Variants in MS4A18 observed in about 807,000 individuals in gnomAD.
MS4A18 encodes the protein membrane spanning 4-domains A18.
A neutral mutation model predicts 13.1 loss-of-function variants in MS4A18; 27 were observed. The ratio of observed to expected loss-of-function variants is 2.06; its 90% CI spans 1.52 to 2.84. The LOEUF is 2.84. MS4A18 is among the 30% of genes most tolerant of loss of function. The probability of loss-of-function intolerance (pLI) is 0.00; values close to 1 mark genes in which losing one functional copy is unlikely to be tolerated. For missense variants in MS4A18, 307 were observed against 196.4 expected, an observed-to-expected ratio of 1.56 and a Z score of -3.37; for synonymous variants, 126 against 76.5, an observed-to-expected ratio of 1.65 and a Z score of -3.38.
At chr11:60,743,622 T>C (rs947813486) in intron 5 of MS4A18, 28 bp from the exon 7 acceptor site, 13 of 696,702 alleles carry the variant, frequency 1.9e-5, no homozygotes. Context: ...CAGAGGAAGA[T>C]GACGACCACA....
At position 60,729,325 on chromosome 11, in the gene MS4A18, C is replaced by G. The variant is rs764385545; in HGVS notation, c.10C>G (p.Gln4Glu). Residue 4 changes from glutamine to glutamate, a missense_variant, in exon 1 of 6, where the codon CAG becomes GAG. Physicochemically the swap from Gln to Glu is conservative, Grantham distance 29. Coordinates refer to ENST00000529108, the Ensembl canonical transcript of MS4A18. ...GCAGCAGTTGTACACCATGACCGAA[C>G]AGGTGATTGGAGCCAACAGTGTACC... is the stretch of plus-strand genomic sequence containing the variant. 11 of 702,206 alleles carry G rather than the reference C, an allele frequency of 1.6e-5. No homozygotes were observed. The Middle Eastern group carries it at 6.9e-4, about 44-fold the overall frequency. 43.5% of individuals were successfully genotyped at this position (702,206 alleles called of 1,614,324 possible).
intron 2 of MS4A18, among the ~76,000 whole-genome samples, chr11:60,734,286 A>G (rs1853303813): frequency 6.6e-6 from 1 of 152,182 alleles, no homozygotes; most frequent in African/African-American, 2.4e-5. Flanking sequence ...TCTCATATGT[A>G]ACTCAGAGTA....
At chr11:60,729,922 G>T in intron 1 of MS4A18, 136 bp downstream of exon 2, 1 of 601,298 alleles carries the variant, frequency 1.7e-6, no homozygotes, top group South Asian at 2.0e-5. Flanking sequence ...TCTGGAGGCT[G>T]GACCCAGTAC....
chr11:60,743,665 C>A, exon 6 of MS4A18: 1 of 702,854 alleles, frequency 1.4e-6, no homozygotes. Context: ...GGCAGTGATT[C>A]CAACCGTATT....
chr11:60,725,416 G>C (rs148598873), upstream of MS4A18, among the ~76,000 whole-genome samples: 334 of 152,134 alleles, frequency 2.2e-3, no homozygotes, highest in African/African-American at 7.3e-3. Context: ...GGATGGTCTC[G>C]ATCTCCTGAC....
At chr11:60,743,337 G>C (rs1198917338) in intron 5 of MS4A18, among the ~76,000 whole-genome samples, 1 of 152,232 alleles carries the variant, frequency 6.6e-6, no homozygotes, top group Non-Finnish European at 1.5e-5. Flanking sequence ...TCCCACATGG[G>C]TGTCTGGCTC....
At chr11:60,732,730 CAAAAAAAA>C (rs200295786) in intron 1 of MS4A18, among the ~76,000 whole-genome samples, 15,028 of 70,936 alleles carry the variant, frequency 0.21, 861 homozygotes, top group South Asian at 0.31. Context: ...GACTCCGTCT[CAAAAAAAA>C]AAAAAAAAAA....
intron 1 of MS4A18, among the ~76,000 whole-genome samples, chr11:60,732,798 C>A (rs1190075495): frequency 6.6e-6 from 1 of 151,588 alleles, no homozygotes; most frequent in Non-Finnish European, 1.5e-5. Flanking sequence ...GTTTCATAGG[C>A]ACTTTTAATC....
chr11:60,734,432 C>G (rs1209147520), intron 2 of MS4A18, among the ~76,000 whole-genome samples: 1 of 152,124 alleles, frequency 6.6e-6, no homozygotes, highest in Non-Finnish European at 1.5e-5. Flanking sequence ...GGTATACATA[C>G]GACATGGAAA....
In MS4A18 at chr11:60,733,634, G is replaced by A; in HGVS notation, c.578G>A (p.Trp193Ter). The A allele has an allele frequency of 2.8e-6, 2 of 703,596 alleles. No homozygotes were observed. Among genetic ancestry groups the A allele is most frequent in the Non-Finnish European group, 5.2e-6 (2 of 385,134 alleles). 43.6% of individuals were successfully genotyped at this position (703,596 alleles called of 1,614,324 possible). ...ACCTGGTTGTCAGGGTACCCGCTCT[G>A]GGGAGGATTATCCGTGAGTACAAGG... Residue 193 changes from tryptophan (W) to a stop codon, truncating the protein, a stop_gained, in exon 2 of 6, where the codon TGG becomes TAG. Coordinates refer to ENST00000529108, the Ensembl canonical transcript of MS4A18. LOFTEE classifies it high-confidence loss of function.
chr11:60,734,967 G>C (rs886474458), intron 2 of MS4A18, among the ~76,000 whole-genome samples: 6 of 151,584 alleles, frequency 4.0e-5, no homozygotes, highest in African/African-American at 1.5e-4. Flanking sequence ...ATTTTTAGTA[G>C]AGACGGGGTT....
chr11:60,735,969 C>G (rs996800581), intron 2 of MS4A18, among the ~76,000 whole-genome samples: 1 of 152,098 alleles, frequency 6.6e-6, no homozygotes, highest in African/African-American at 2.4e-5. Context: ...GCCTCCCTTG[C>G]TTTTCTTTAT....
downstream of MS4A18, chr11:60,744,286 G>A (rs953782924): frequency 6.9e-5 from 24 of 350,116 alleles, no homozygotes; most frequent in Non-Finnish European, 2.1e-5. Flanking sequence ...TATGCTCACT[G>A]TTGAAAAACC....
intron 2 of MS4A18, 60 bp downstream of exon 3, chr11:60,733,707 G>A (rs1853292244): frequency 4.3e-6 from 3 of 702,408 alleles, no homozygotes; most frequent in Non-Finnish European, 7.8e-6. Flanking sequence ...AGAAGGAAGT[G>A]GAGGAAGAAG....
At chr11:60,729,530 G>A (rs1853218916) in exon 1 of MS4A18, 6 of 702,802 alleles carry the variant, frequency 8.5e-6, no homozygotes, top group Non-Finnish European at 1.6e-5. Flanking sequence ...TCAGCAGCAG[G>A]TGTACAGAGT....
At chr11:60,736,198 C>T (rs1301732963) in intron 2 of MS4A18, among the ~76,000 whole-genome samples, 1 of 152,076 alleles carries the variant, frequency 6.6e-6, no homozygotes, top group Non-Finnish European at 1.5e-5. Context: ...ATAATCCTAT[C>T]CTTGTTCTCT....
chr11:60,729,620 A>G, exon 1 of MS4A18: 1 of 702,810 alleles, frequency 1.4e-6, no homozygotes, highest in South Asian at 1.5e-5. Context: ...CAATACACAC[A>G]GGGAACCACG....
At chr11:60,739,234 G>A (rs754129717) in intron 4 of MS4A18, among the ~76,000 whole-genome samples, 7 of 152,054 alleles carry the variant, frequency 4.6e-5, no homozygotes, top group Non-Finnish European at 1.0e-4. Flanking sequence ...ACCTCTCCTC[G>A]TACCTATCCT....
chr11:60,735,661 C>CTTTTTTTT lies in MS4A18; in HGVS notation c.592-1302_592-1295dup, dbSNP rs1167113182. On this transcript the variant is annotated intron_variant, in intron 2 of 5. Transcript: ENST00000529108. The stretch of plus-strand genomic sequence containing the variant: ...CGATTTAATGTTTTTCATTCCCTTG[C>CTTTTTTTT]TTTTTTTTTTTTTTTTTTTTTTGAG... Among the ~76,000 whole-genome samples the CTTTTTTTT allele has an allele frequency of 5.2e-4, 47 of 90,106 alleles. 1 individual carries two copies. Among genetic ancestry groups the CTTTTTTTT allele is most frequent in the Admixed American group, 6.2e-4 (5 of 8,070 alleles). 59.1% of individuals were successfully genotyped at this position (90,106 alleles called of 152,430 possible). A position where few individuals can be genotyped will look rare whatever the true frequency, so the allele number is the denominator to read the frequency against.
Sources: allele counts gnomAD v4.1 joint callset (sites outside exome capture counted in the v4.1 genomes callset), GRCh38; gene constraint gnomAD v4.1.1; transcripts MANE v1.5; gene names NCBI Gene and HGNC (gene_info 2026-07-23, HGNC 2026-07-21).